Variants in ATCAY observed in about 807,000 individuals in gnomAD.
ATCAY encodes the protein caytaxin.
Under a neutral mutation model 47.7 loss-of-function variants are expected in ATCAY, and 22 were observed. The ratio of observed to expected loss-of-function variants is 0.46; its 90% CI spans 0.33 to 0.66. ATCAY has a LOEUF of 0.66. Among genes scored for constraint, ATCAY ranks in the 30% least tolerant of loss-of-function variants. ATCAY has a pLI of 0.02. For missense variants in ATCAY, 452 were observed against 515.0 expected, an observed-to-expected ratio of 0.88 and a Z score of 1.18; for synonymous variants, 216 against 207.6, an observed-to-expected ratio of 1.04 and a Z score of -0.35.
At position 3,927,843 on chromosome 19, in the gene ATCAY, T is replaced by A. The variant is rs2039081169; in HGVS notation, c.*3251T>A. On this transcript the variant is annotated 3_prime_UTR_variant, in exon 13 of 13. Coordinates refer to ENST00000450849, the MANE Select transcript of ATCAY (RefSeq NM_033064.5). Reference sequence around the variant, plus strand: ...GGTGGGGGGTGTGGTTTGGCCAAAATGCAATGGACCCCGACCCCTCCTCGT... The same window carrying A: ...GGTGGGGGGTGTGGTTTGGCCAAAAAGCAATGGACCCCGACCCCTCCTCGT... The A allele has an allele frequency of 6.6e-6, 1 of 152,218 alleles. No homozygotes were observed. The highest frequency in any genetic ancestry group is 2.4e-5 in the African/African-American group (1 of 41,418). 9.4% of individuals were successfully genotyped at this position (152,218 alleles called of 1,614,324 possible). A position where few individuals can be genotyped will look rare whatever the true frequency, so the allele number is the denominator to read the frequency against.
intron 10 of ATCAY, among the ~76,000 whole-genome samples, chr19:3,918,472 T>C (rs904931077): frequency 5.9e-5 from 9 of 151,830 alleles, no homozygotes; most frequent in Admixed American, 3.9e-4. Flanking sequence ...GGACGACTGC[T>C]TGAGCCCAGG....
intron 8 of ATCAY, among the ~76,000 whole-genome samples, chr19:3,911,359 C>A (rs1201061330): frequency 2.0e-5 from 3 of 151,778 alleles, no homozygotes; most frequent in East Asian, 3.9e-4. Context: ...GAGTGAGACC[C>A]TGTCTCAAAA....
At chr19:3,924,223 G>C (rs2039046187) in intron 12 of ATCAY, among the ~76,000 whole-genome samples, 1 of 146,540 alleles carries the variant, frequency 6.8e-6, no homozygotes, top group African/African-American at 2.6e-5. Context: ...ATGGATGGGT[G>C]AGTGAGTGTG....
At chr19:3,896,118 C>T (rs562654817) in intron 2 of ATCAY, among the ~76,000 whole-genome samples, 4 of 152,266 alleles carry the variant, frequency 2.6e-5, no homozygotes, top group Non-Finnish European at 5.9e-5. Flanking sequence ...TCCCAAAGTG[C>T]TGTGATTACC....
Position 3,900,953 on chromosome 19 carries a change from G to A in ATCAY, c.78-1534G>A, listed in dbSNP as rs534150898. Among the ~76,000 whole-genome samples, 3 of 138,294 alleles carry A rather than the reference G, an allele frequency of 2.2e-5. No individual in the cohort carries two copies. The South Asian group carries it at 6.9e-4, about 32-fold the overall frequency. The allele number at this position is 138,294 out of a possible 152,430, so 90.7% of individuals were successfully genotyped here. ...GTCTTGCTCTGTGGCCCAGGCTGGA[G>A]TGCAGTGGCACGATCTCGGCTCACT... is the stretch of plus-strand genomic sequence containing the variant. On this transcript the variant is annotated intron_variant, in intron 2 of 12. Transcript: ENST00000450849.
intron 8 of ATCAY, among the ~76,000 whole-genome samples, chr19:3,913,182 G>A (rs975895770): frequency 2.6e-5 from 4 of 151,606 alleles, no homozygotes; most frequent in Admixed American, 2.6e-4. Flanking sequence ...AGCTACTCGG[G>A]AGGCTGAGGC....
At chr19:3,884,926 A>G (rs1052944211) in intron 1 of ATCAY, among the ~76,000 whole-genome samples, 82 of 149,784 alleles carry the variant, frequency 5.5e-4, no homozygotes, top group African/African-American at 1.9e-3. Flanking sequence ...GCAAGACCCA[A>G]TCTCTTAAAA....
intron 4 of ATCAY, among the ~76,000 whole-genome samples, chr19:3,906,887 C>T (rs887967476): frequency 6.6e-6 from 1 of 151,936 alleles, no homozygotes; most frequent in African/African-American, 2.4e-5. Flanking sequence ...CCTGTAATCC[C>T]AGCACTTTGG....
intron 2 of ATCAY, among the ~76,000 whole-genome samples, chr19:3,887,627 C>T (rs376212904): frequency 2.1e-4 from 32 of 150,890 alleles, no homozygotes; most frequent in Admixed American, 1.6e-3. Context: ...GCTGGGACTA[C>T]GGGCACCCGC....
intron 2 of ATCAY, among the ~76,000 whole-genome samples, chr19:3,888,367 C>G (rs1295731934): frequency 6.6e-6 from 1 of 152,092 alleles, no homozygotes; most frequent in Non-Finnish European, 1.5e-5. Flanking sequence ...CAGTGGCTCA[C>G]GTCTGCAGTC....
rs376658701 is a variant in ATCAY, at chr19:3,910,855, C to T, written c.832C>T (p.Arg278Trp). The change falls in exon 8 of 13, where the codon CGG becomes TGG. Residue 278 changes from arginine to tryptophan, a missense_variant. By Grantham distance (101) the Arg-to-Trp change is moderately radical (BLOSUM62 -3). Coordinates refer to ENST00000450849, the MANE Select transcript of ATCAY (RefSeq NM_033064.5). Reference sequence around the variant, plus strand: ...CATCGTCCACCCCTCGTGGTTCATTCGGACTGTGCTGGCCATCTCTCGCCC... The same window carrying T: ...CATCGTCCACCCCTCGTGGTTCATTTGGACTGTGCTGGCCATCTCTCGCCC... Reference protein sequence around the residue: ...LIIVHPSWFIRTVLAISRPFI... With the variant: ...LIIVHPSWFIWTVLAISRPFI... The T allele has an allele frequency of 1.2e-6, 2 of 1,613,996 alleles. No individual in the cohort carries two copies. Among genetic ancestry groups the T allele is most frequent in the Non-Finnish European group, 1.7e-6 (2 of 1,179,896 alleles).
chr19:3,914,924 G>A (rs1328851782), intron 9 of ATCAY, among the ~76,000 whole-genome samples: 1 of 152,064 alleles, frequency 6.6e-6, no homozygotes, highest in Admixed American at 6.6e-5. Flanking sequence ...GCAATGAGGG[G>A]AAACGCAGAC....
At chr19:3,892,226 G>A (rs1027038421) in intron 2 of ATCAY, among the ~76,000 whole-genome samples, 2 of 148,702 alleles carry the variant, frequency 1.3e-5, no homozygotes, top group Non-Finnish European at 3.0e-5. Context: ...TTTTCCAGAC[G>A]GGGTCTTGCT....
In ATCAY at chr19:3,895,212, T is replaced by C. The variant is rs1322101059; in HGVS notation, c.78-7275T>C. ...GAAACTGTCAGGTAAGAGCTAATGC[T>C]GCAGTTTTTGTTTTTGTTTTTGAGA... On this transcript the variant is annotated intron_variant, in intron 2 of 12. Transcript: ENST00000450849. 3 of 456,226 alleles carry C rather than the reference T, an allele frequency of 6.6e-6. No homozygotes were observed. The Admixed American group carries it at 7.1e-5, about 11-fold the overall frequency. 28.3% of individuals were successfully genotyped at this position (456,226 alleles called of 1,614,324 possible).
intron 7 of ATCAY, among the ~76,000 whole-genome samples, chr19:3,910,316 G>A (rs560419875): frequency 6.6e-6 from 1 of 152,196 alleles, no homozygotes; most frequent in Admixed American, 6.6e-5. Context: ...ATATTCCACT[G>A]TATGGACATA....
chr19:3,924,881 G>A lies in ATCAY; in HGVS notation c.*289G>A, dbSNP rs1056382108. ...CTCTCAGCCGAGGAAGGCAAGAAGC[G>A]CAGGGGGTGGCCCGCGTGGCGTCGG... is the stretch of plus-strand genomic sequence containing the variant. On this transcript the variant is annotated 3_prime_UTR_variant, in exon 13 of 13. Transcript: ENST00000450849. 72 of 421,358 alleles carry A rather than the reference G, an allele frequency of 1.7e-4. No homozygotes were observed. The highest frequency in any genetic ancestry group is 2.8e-4 in the Non-Finnish European group (65 of 232,296). The allele number at this position is 421,358 out of a possible 1,614,324, so 26.1% of individuals were successfully genotyped here.
chr19:3,917,610 A>AAAAAG (rs368009492), intron 9 of ATCAY, 132 bp from the exon 10 acceptor site: 24 of 502,010 alleles, frequency 4.8e-5, no homozygotes, highest in African/African-American at 9.5e-5. Context: ...AAAAAAAAAA[A>AAAAAG]GGAAGAAGAA....
intron 2 of ATCAY, among the ~76,000 whole-genome samples, chr19:3,888,493 G>T (rs1394039281): frequency 6.6e-6 from 1 of 151,984 alleles, no homozygotes; most frequent in Non-Finnish European, 1.5e-5. Context: ...AGTCGGGCGT[G>T]GTGGTGGGCA....
chr19:3,906,040 G>C (rs573070911), intron 4 of ATCAY, among the ~76,000 whole-genome samples: 2 of 151,548 alleles, frequency 1.3e-5, no homozygotes, highest in African/African-American at 4.8e-5. Flanking sequence ...GCATGGTGGC[G>C]GGCACCTGAA....
Sources: gnomAD v4.1 joint callset for allele counts (sites outside exome capture counted in the v4.1 genomes callset) on GRCh38, gnomAD v4.1.1 for gene constraint, MANE v1.5 for transcripts, NCBI Gene and HGNC (gene_info 2026-07-23, HGNC 2026-07-21) for gene names.